CCNI: variants seen among roughly 807,000 people sequenced by gnomAD.
CCNI encodes cyclin-I.
A neutral mutation model predicts 34.1 loss-of-function variants in CCNI; 14 were observed. The ratio of observed to expected loss-of-function variants is 0.41; its 90% CI spans 0.27 to 0.64. CCNI has a LOEUF of 0.64. Among genes scored for constraint, CCNI ranks in the 30% least tolerant of loss-of-function variants. The pLI is 0.31. For synonymous variants in CCNI, 154 were observed against 158.4 expected (o/e 0.97, Z 0.21); for missense variants, 385 against 440.5 (o/e 0.87, Z 1.13).
chr4:77,055,066 A>C lies in CCNI; in HGVS notation c.690+84T>G. ...GAATGGTTTGCCATTACAACATGAG[A>C]AATGTCTTTTAGTTTGGTAACTCTA... On this transcript the variant is annotated intron_variant, in intron 6 of 6. Transcript: ENST00000237654. 3 of 837,934 alleles carry C rather than the reference A, an allele frequency of 3.6e-6. No individual in the cohort carries two copies. In the South Asian group the frequency reaches 5.0e-5, roughly 14 times the overall value. 51.9% of individuals were successfully genotyped at this position (837,934 alleles called of 1,614,324 possible). A position where few individuals can be genotyped will look rare whatever the true frequency, so the allele number is the denominator to read the frequency against.
At chr4:77,072,638 T>TA (rs61247567) in intron 1 of CCNI, among the ~76,000 whole-genome samples, 5,920 of 100,958 alleles carry the variant, frequency 0.059, 165 homozygotes, top group South Asian at 0.11. Context: ...CCCAATCTCT[T>TA]AAAAAAAAAA....
At chr4:77,072,697 T>A (rs1439636947) in intron 1 of CCNI, among the ~76,000 whole-genome samples, 1 of 145,762 alleles carries the variant, frequency 6.9e-6, no homozygotes, top group Non-Finnish European at 1.5e-5. Context: ...GACCCTCAAC[T>A]AGATCCTGTA....
Position 77,048,119 on chromosome 4 carries a change from G to A in CCNI, c.*100C>T. ...TTTCTGGCTCACTCCAAATCAGCCT[G>A]TTAAGGTATATTTCCTTCTACAGCC... is the stretch of plus-strand genomic sequence containing the variant. On this transcript the variant is annotated 3_prime_UTR_variant, in exon 7 of 7. Coordinates refer to ENST00000237654, the MANE Select transcript of CCNI (RefSeq NM_006835.3). 2.5e-6 allele frequency: 2 copies of A among 810,614 alleles called. No individual in the cohort carries two copies. Among genetic ancestry groups the A allele is most frequent in the Admixed American group, 5.0e-5 (2 of 40,322 alleles). The allele number at this position is 810,614 out of a possible 1,614,324, so 50.2% of individuals were successfully genotyped here.
At chr4:77,065,375 A>G (rs1195859553) in intron 2 of CCNI, among the ~76,000 whole-genome samples, 1 of 152,258 alleles carries the variant, frequency 6.6e-6, no homozygotes, top group Non-Finnish European at 1.5e-5. Context: ...GACATCTTAT[A>G]CAATAAACTT....
At chr4:77,067,553 G>A (rs1053435228) in intron 1 of CCNI, among the ~76,000 whole-genome samples, 4 of 152,036 alleles carry the variant, frequency 2.6e-5, no homozygotes, top group Non-Finnish European at 5.9e-5. Flanking sequence ...GAGTACAGTG[G>A]TGTAGTGGCT....
At chr4:77,055,646 T>C (rs998935515) in intron 5 of CCNI, among the ~76,000 whole-genome samples, 2 of 152,052 alleles carry the variant, frequency 1.3e-5, no homozygotes, top group East Asian at 1.9e-4. Context: ...TTTGTATTTT[T>C]AGTAGAGACA....
At chr4:77,050,654 G>C (rs1727762778) in intron 6 of CCNI, among the ~76,000 whole-genome samples, 1 of 152,004 alleles carries the variant, frequency 6.6e-6, no homozygotes, top group Non-Finnish European at 1.5e-5. Flanking sequence ...ATTAGAATTT[G>C]TTCTCCCTCC....
chr4:77,075,323 T>A (rs1424046651), intron 1 of CCNI, 149 bp downstream of exon 1: 1 of 160,280 alleles, frequency 6.2e-6, no homozygotes, highest in Non-Finnish European at 1.3e-5. Flanking sequence ...TTCCCCGGGC[T>A]GGGGGATGCG....
In CCNI at chr4:77,075,768, G is replaced by C. The variant is rs1183775748; in HGVS notation, c.-340C>G. On this transcript the variant is annotated 5_prime_UTR_variant, in exon 1 of 7. Coordinates refer to ENST00000237654, the MANE Select transcript of CCNI (RefSeq NM_006835.3). ...CGCCGCTCGAGCCCGGGTTGGGAGG[G>C]GGCTCCCTCTCGCCATAGGGCGGCG... is the stretch of plus-strand genomic sequence containing the variant. The C allele has an allele frequency of 6.3e-6, 1 of 159,044 alleles. No homozygotes were observed. The highest frequency in any genetic ancestry group is 1.3e-5 in the Non-Finnish European group (1 of 74,362). The allele number at this position is 159,044 out of a possible 1,614,324, so 9.9% of individuals were successfully genotyped here.
intron 3 of CCNI, among the ~76,000 whole-genome samples, chr4:77,058,288 G>A (rs1448561967): frequency 6.6e-6 from 1 of 152,092 alleles, no homozygotes; most frequent in African/African-American, 2.4e-5. Context: ...CCAGGAGGCA[G>A]ACACACTCCA....
chr4:77,066,112 A>T (rs973336676), intron 2 of CCNI, 137 bp downstream of exon 2: 11 of 695,616 alleles, frequency 1.6e-5, no homozygotes, highest in South Asian at 3.8e-5. Flanking sequence ...CAAAAAAGAA[A>T]CAGGGAGAGT....
intron 6 of CCNI, 48 bp from the exon 7 acceptor site, chr4:77,048,710 C>T: frequency 7.1e-7 from 1 of 1,408,814 alleles, no homozygotes; most frequent in African/African-American, 1.4e-5. Flanking sequence ...CATTAATTAA[C>T]ATAGGCTGCT....
At chr4:77,061,979 T>G (rs1728638373) in intron 2 of CCNI, among the ~76,000 whole-genome samples, 1 of 152,192 alleles carries the variant, frequency 6.6e-6, no homozygotes, top group African/African-American at 2.4e-5. Context: ...ATGACCTACC[T>G]CTCTAACCTC....
In CCNI at chr4:77,061,920, C is replaced by A. The variant is rs192498313; in HGVS notation, c.115-3285G>T. Among the ~76,000 whole-genome samples the A allele has an allele frequency of 5.3e-3, 806 of 152,298 alleles. 3 individuals are homozygous for A. Among genetic ancestry groups the A allele is most frequent in the Non-Finnish European group, 7.2e-3 (491 of 68,014 alleles). Reference sequence around the variant, plus strand: ...TCCTGACCTTGTGATCCACCCGCCTCGGCCTCCCAAAGTGTTGAGATTACA... The same window carrying A: ...TCCTGACCTTGTGATCCACCCGCCTAGGCCTCCCAAAGTGTTGAGATTACA... On this transcript the variant is annotated intron_variant, in intron 2 of 6. Coordinates refer to ENST00000237654, the MANE Select transcript of CCNI (RefSeq NM_006835.3).
chr4:77,058,674 G>T, intron 2 of CCNI, 39 bp from the exon 3 acceptor site: 2 of 1,586,502 alleles, frequency 1.3e-6, no homozygotes, highest in Non-Finnish European at 8.6e-7. Flanking sequence ...GACAAAGTTT[G>T]AGCTATCATC....
intron 3 of CCNI, among the ~76,000 whole-genome samples, chr4:77,057,264 AT>A (rs1728305909): frequency 6.6e-6 from 1 of 152,200 alleles, no homozygotes; most frequent in Admixed American, 6.5e-5. Context: ...TTTTTCAAAA[AT>A]TATTAGTGAA....
At position 77,068,998 on chromosome 4, in the gene CCNI, GTAAA is replaced by G. The variant is rs750672088; in HGVS notation, c.-43-2597_-43-2594del. 1.4e-4 allele frequency among the ~76,000 whole-genome samples: 22 copies of G among 152,190 alleles called. No individual in the cohort carries two copies. The South Asian group carries it at 2.1e-3, about 14-fold the overall frequency. ...TATCTTCATACTAAGATGACAAGGG[GTAAA>G]TAGAGAGGAAAAAGAACTAATATTA... On this transcript the variant is annotated intron_variant, in intron 1 of 6. Coordinates refer to ENST00000237654, the MANE Select transcript of CCNI (RefSeq NM_006835.3).
intron 4 of CCNI, 60 bp downstream of exon 4, chr4:77,056,189 G>C: frequency 1.3e-6 from 2 of 1,592,192 alleles, no homozygotes; most frequent in South Asian, 2.2e-5. Flanking sequence ...AACGAAGCAA[G>C]TTAATAAATG....
rs372298005 is a variant in CCNI at position 77,048,011 on chromosome 4, CTTTTTTT to C, written c.*201_*207del. On this transcript the variant is annotated 3_prime_UTR_variant, in exon 7 of 7. Transcript: ENST00000237654. ...AAAAAAGTTTGGATCTTTTGGATTT[CTTTTTTT>C]TTTTTTTGGTCTTTATGTGCTTAAA... 5.7e-4 allele frequency: 180 copies of C among 316,774 alleles called. 1 individual carries two copies. The highest frequency in any genetic ancestry group is 4.4e-3 in the African/African-American group (167 of 37,950). 19.6% of individuals were successfully genotyped at this position (316,774 alleles called of 1,614,324 possible). A position where few individuals can be genotyped will look rare whatever the true frequency, so the allele number is the denominator to read the frequency against.
Sources: allele counts gnomAD v4.1 joint callset (sites outside exome capture counted in the v4.1 genomes callset), GRCh38; gene constraint gnomAD v4.1.1; transcripts MANE v1.5; gene names NCBI Gene and HGNC (gene_info 2026-07-23, HGNC 2026-07-21).